The following RBFOX1 variants were observed in gnomAD, a reference collection of about 807,000 sequenced individuals.
RBFOX1 encodes the protein RNA binding fox-1 homolog 1.
A neutral mutation model predicts 57.7 loss-of-function variants in RBFOX1; 8 were observed. That is an observed-to-expected ratio of 0.14 (90% CI 0.08 to 0.25). The LOEUF (loss-of-function observed/expected upper bound fraction) is 0.25, where lower values mean the gene tolerates loss of function less well. Ranked by LOEUF, RBFOX1 falls within the 10% of genes least tolerant of loss-of-function variation. The pLI is 1.00. For missense variants in RBFOX1, 611 were observed against 548.5 expected (o/e 1.11, Z -1.14); for synonymous variants, 326 against 222.4 (o/e 1.47, Z -4.15).
At chr16:5,333,326 C>T (rs1190964687) in intron 1 of RBFOX1, among the ~76,000 whole-genome samples, 5 of 152,226 alleles carry the variant, frequency 3.3e-5, no homozygotes, top group Admixed American at 1.3e-4. Context: ...AACATGGTCA[C>T]GCCCATTCGT....
intron 3 of RBFOX1, among the ~76,000 whole-genome samples, chr16:6,735,153 AAAACAACAACAACAT>A (rs1416980972): frequency 0.051 from 7,646 of 151,332 alleles, 357 homozygotes; most frequent in African/African-American, 0.12. Flanking sequence ...TGTCTCAACA[AAAACAACAACAACAT>A]CAACAACAAC....
At chr16:7,048,978 G>C (rs2049004248) in intron 3 of RBFOX1, among the ~76,000 whole-genome samples, 1 of 152,094 alleles carries the variant, frequency 6.6e-6, no homozygotes, top group Admixed American at 6.5e-5. Context: ...TATATATCAA[G>C]TCTGGGACAT....
chr16:7,612,401 T>C (rs1426063988), intron 10 of RBFOX1, among the ~76,000 whole-genome samples: 1 of 151,474 alleles, frequency 6.6e-6, no homozygotes, highest in African/African-American at 2.4e-5. Flanking sequence ...CATGAAGTCT[T>C]TGGCCAATGT....
At chr16:6,943,789 A>G (rs2078985052) in intron 3 of RBFOX1, among the ~76,000 whole-genome samples, 1 of 151,340 alleles carries the variant, frequency 6.6e-6, no homozygotes, top group Admixed American at 6.6e-5. Flanking sequence ...TCAACCACTC[A>G]TAGACTGTTA....
intron 3 of RBFOX1, among the ~76,000 whole-genome samples, chr16:6,978,966 C>T (rs941577081): frequency 2.0e-5 from 3 of 152,202 alleles, no homozygotes; most frequent in Admixed American, 6.5e-5. Context: ...CAGGCTGCCA[C>T]CTGTGCTAAG....
chr16:6,861,584 T>G (rs891295280), intron 3 of RBFOX1, among the ~76,000 whole-genome samples: 2 of 150,734 alleles, frequency 1.3e-5, no homozygotes, highest in African/African-American at 4.9e-5. Context: ...TCATTTCATA[T>G]GAAAGTACTA....
intron 1 of RBFOX1, among the ~76,000 whole-genome samples, chr16:5,465,989 G>C (rs992574574): frequency 3.3e-5 from 5 of 152,154 alleles, no homozygotes; most frequent in Non-Finnish European, 5.9e-5. Flanking sequence ...GGGACCAGTT[G>C]GTTTTGGGGC....
At chr16:6,940,945 G>A (rs1331340674) in intron 3 of RBFOX1, among the ~76,000 whole-genome samples, 4 of 151,686 alleles carry the variant, frequency 2.6e-5, no homozygotes, top group Admixed American at 2.0e-4. Flanking sequence ...CTGACCTCGT[G>A]ATCCATCCGT....
At chr16:5,261,808 C>G (rs2062741082) in intron 1 of RBFOX1, among the ~76,000 whole-genome samples, 1 of 152,102 alleles carries the variant, frequency 6.6e-6, no homozygotes, top group Non-Finnish European at 1.5e-5. Flanking sequence ...CCTGGGCCTC[C>G]CAAAATGCTG....
intron 4 of RBFOX1, among the ~76,000 whole-genome samples, chr16:7,219,855 A>T (rs1285337408): frequency 1.3e-5 from 2 of 152,164 alleles, no homozygotes; most frequent in Admixed American, 1.3e-4. Context: ...TCTGAGAGTG[A>T]GTGTATTTAT....
intron 3 of RBFOX1, among the ~76,000 whole-genome samples, chr16:6,737,805 A>T (rs1219864571): frequency 6.6e-6 from 1 of 152,182 alleles, no homozygotes; most frequent in Non-Finnish European, 1.5e-5. Context: ...GATTGTTTAT[A>T]TTTCATTTAG....
intron 2 of RBFOX1, among the ~76,000 whole-genome samples, chr16:5,553,711 G>GTGTATATACACATATATA (rs2045560062): frequency 1.3e-5 from 2 of 149,938 alleles, no homozygotes; most frequent in African/African-American, 5.0e-5. Context: ...ATATATATGT[G>GTGTATATACACATATATA]TGTATATACA....
At chr16:7,649,995 A>T (rs2144449937) in intron 11 of RBFOX1, among the ~76,000 whole-genome samples, 1 of 131,778 alleles carries the variant, frequency 7.6e-6, no homozygotes, top group Non-Finnish European at 1.7e-5. Context: ...GAGGGGAGAA[A>T]GGAAAAGGAG....
intron 2 of RBFOX1, among the ~76,000 whole-genome samples, chr16:5,561,318 G>C (rs753620714): frequency 1.3e-5 from 2 of 152,110 alleles, no homozygotes; most frequent in Non-Finnish European, 2.9e-5. Flanking sequence ...ATGTATTTCA[G>C]ATACTTATAA....
chr16:5,411,636 G>A (rs1318035244), intron 1 of RBFOX1, among the ~76,000 whole-genome samples: 1 of 152,150 alleles, frequency 6.6e-6, no homozygotes, highest in Non-Finnish European at 1.5e-5. Context: ...TGCAGTGACT[G>A]ACACTGTGGT....
intron 3 of RBFOX1, among the ~76,000 whole-genome samples, chr16:5,785,124 T>C (rs2054456546): frequency 6.6e-6 from 1 of 152,204 alleles, no homozygotes. Flanking sequence ...GGATTTATTT[T>C]TCTGGGATAA....
intron 4 of RBFOX1, among the ~76,000 whole-genome samples, chr16:7,056,885 G>C (rs1033829667): frequency 1.4e-4 from 21 of 152,104 alleles, no homozygotes; most frequent in Admixed American, 1.2e-3. Flanking sequence ...GGTTAGGGCT[G>C]GTGAAGCACT....
chr16:7,111,276 C>T (rs984977956), intron 4 of RBFOX1, among the ~76,000 whole-genome samples: 16 of 152,134 alleles, frequency 1.1e-4, no homozygotes, highest in Non-Finnish European at 2.2e-4. Flanking sequence ...AAGTGTAAAG[C>T]TTTGCTTTTC....
intron 3 of RBFOX1, among the ~76,000 whole-genome samples, chr16:6,945,135 GCACAGTACATAGGGA>G (rs1315197173): frequency 6.6e-6 from 1 of 152,124 alleles, no homozygotes; most frequent in East Asian, 1.9e-4. Flanking sequence ...AGAGGTAGGG[GCACAGTACATAGGGA>G]TGAGAGTATG....
Sources: allele counts gnomAD v4.1 joint callset (sites outside exome capture counted in the v4.1 genomes callset), GRCh38; gene constraint gnomAD v4.1.1; transcripts MANE v1.5; gene names NCBI Gene and HGNC (gene_info 2026-07-23, HGNC 2026-07-21).